Variants in LRFN5 observed in about 807,000 individuals in gnomAD.
LRFN5 encodes the protein leucine rich repeat and fibronectin type III domain containing 5.
Under a neutral mutation model 45.6 loss-of-function variants are expected in LRFN5, and 24 were observed. That is an observed-to-expected ratio of 0.53 (90% CI 0.38 to 0.74). LRFN5 has a LOEUF of 0.74. Ranked by LOEUF, LRFN5 falls within the 30% of genes least tolerant of loss-of-function variation. LRFN5 has a pLI of 0.00. For synonymous variants in LRFN5, 340 were observed against 313.8 expected, an observed-to-expected ratio of 1.08 and a Z score of -0.88; for missense variants, 776 against 861.5, an observed-to-expected ratio of 0.90 and a Z score of 1.24.
intron 1 of LRFN5, among the ~76,000 whole-genome samples, chr14:41,754,419 A>G (rs1885282852): frequency 6.6e-6 from 1 of 152,070 alleles, no homozygotes; most frequent in Admixed American, 6.6e-5. Flanking sequence ...TTCGTAAGCT[A>G]TTAATTATTG....
intron 2 of LRFN5, among the ~76,000 whole-genome samples, chr14:41,876,997 G>A (rs912383): frequency 0.14 from 20,509 of 151,916 alleles, 1,469 homozygotes; most frequent in East Asian, 0.21. Context: ...TACAATGTGA[G>A]AATTAAAAAT....
At chr14:41,618,235 C>T (rs1887989243) in intron 1 of LRFN5, among the ~76,000 whole-genome samples, 2 of 152,114 alleles carry the variant, frequency 1.3e-5, no homozygotes, top group Non-Finnish European at 2.9e-5. Flanking sequence ...ACGTTGTTAC[C>T]TCTTGAATTC....
chr14:41,838,785 T>TG (rs1888754574), intron 2 of LRFN5, among the ~76,000 whole-genome samples: 1 of 152,172 alleles, frequency 6.6e-6, no homozygotes, highest in Non-Finnish European at 1.5e-5. Flanking sequence ...CTTAGACTGA[T>TG]GTGGGAATGT....
At position 41,608,508 on chromosome 14, in the gene LRFN5, TG is replaced by T. The variant is rs1887595656; in HGVS notation, c.-250del. On this transcript the variant is annotated 5_prime_UTR_variant, in exon 1 of 6. It removes the in-frame stop codon of an upstream open reading frame in the 5' UTR. Coordinates refer to ENST00000298119, the MANE Select transcript of LRFN5 (RefSeq NM_152447.5). ...CCACCTGGAGCCACCTTGCCGGGATTGTACCTGCAGGCAGAAAGTCTTCCTA... is the reference window on the plus strand; with the variant it reads ...CCACCTGGAGCCACCTTGCCGGGATTTACCTGCAGGCAGAAAGTCTTCCTA... 2 of 152,704 alleles carry T rather than the reference TG, an allele frequency of 1.3e-5. No individual in the cohort carries two copies. Among genetic ancestry groups the T allele is most frequent in the African/African-American group, 4.8e-5 (2 of 41,456 alleles). The allele number at this position is 152,704 out of a possible 1,614,324, so 9.5% of individuals were successfully genotyped here.
At chr14:41,659,493 A>T (rs943503183) in intron 1 of LRFN5, among the ~76,000 whole-genome samples, 1 of 152,118 alleles carries the variant, frequency 6.6e-6, no homozygotes, top group Admixed American at 6.6e-5. Flanking sequence ...GCTATTGTGA[A>T]TAGTGCCACA....
intron 1 of LRFN5, among the ~76,000 whole-genome samples, chr14:41,691,685 T>C (rs1028347364): frequency 5.3e-5 from 8 of 152,106 alleles, no homozygotes; most frequent in African/African-American, 1.9e-4. Context: ...TTGTGTACTT[T>C]ATTTAACCAC....
intron 1 of LRFN5, among the ~76,000 whole-genome samples, chr14:41,621,164 A>G (rs1333762211): frequency 6.6e-6 from 1 of 152,120 alleles, no homozygotes; most frequent in Non-Finnish European, 1.5e-5. Context: ...TGAAATATGA[A>G]AGAGCCTTTG....
At chr14:41,883,801 T>C (rs1427368581) in intron 2 of LRFN5, among the ~76,000 whole-genome samples, 1 of 152,218 alleles carries the variant, frequency 6.6e-6, no homozygotes, top group Non-Finnish European at 1.5e-5. Flanking sequence ...TTTCATTGTG[T>C]TGAGCTTGGA....
chr14:41,667,984 G>T (rs1880985992), intron 1 of LRFN5, among the ~76,000 whole-genome samples: 1 of 152,100 alleles, frequency 6.6e-6, no homozygotes, highest in Non-Finnish European at 1.5e-5. Context: ...TTTTGTTATT[G>T]CACAGCTGGG....
chr14:41,694,314 T>G (rs997670348), intron 1 of LRFN5, among the ~76,000 whole-genome samples: 1 of 151,982 alleles, frequency 6.6e-6, no homozygotes, highest in Non-Finnish European at 1.5e-5. Context: ...TTCGTATCTT[T>G]TGACCAATAA....
At chr14:41,685,232 A>T (rs1450222214) in intron 1 of LRFN5, among the ~76,000 whole-genome samples, 2 of 152,194 alleles carry the variant, frequency 1.3e-5, no homozygotes, top group Non-Finnish European at 2.9e-5. Context: ...GGAGAACAGT[A>T]TGGAGGTTCC....
At position 41,904,333 on chromosome 14, in the gene LRFN5, G is replaced by A. The variant is rs373916061; in HGVS notation, c.*158G>A. 4.2e-5 allele frequency: 36 copies of A among 866,316 alleles called. No homozygotes were observed. The highest frequency in any genetic ancestry group is 6.0e-5 in the Non-Finnish European group (33 of 548,958). 53.7% of individuals were successfully genotyped at this position (866,316 alleles called of 1,614,324 possible). ...CAAGGTGAAAGTCTCTGATGACGGC[G>A]GAACTGGCTCCATTAGACCATGGTT... On this transcript the variant is annotated 3_prime_UTR_variant, in exon 6 of 6. Coordinates refer to ENST00000298119, the MANE Select transcript of LRFN5 (RefSeq NM_152447.5).
At chr14:41,747,433 G>T (rs1884966357) in intron 1 of LRFN5, among the ~76,000 whole-genome samples, 1 of 151,898 alleles carries the variant, frequency 6.6e-6, no homozygotes, top group South Asian at 2.1e-4. Flanking sequence ...ATTCAGGTGG[G>T]GAAAGGACAG....
At chr14:41,790,310 A>T (rs1886873339) in intron 2 of LRFN5, among the ~76,000 whole-genome samples, 1 of 151,692 alleles carries the variant, frequency 6.6e-6, no homozygotes, top group Non-Finnish European at 1.5e-5. Context: ...TGGAATTCCT[A>T]TTTGAGTCTT....
chr14:41,739,872 A>G lies in LRFN5; in HGVS notation c.-196-26982A>G, dbSNP rs76251451. On this transcript the variant is annotated intron_variant, in intron 1 of 5. Transcript: ENST00000298119. ...AAATAAAATCCAAATGGAAGGAATC[A>G]TAACTGATACCACAGAAATGCAAGG... Among the ~76,000 whole-genome samples, 1,454 of 152,192 alleles carry G rather than the reference A, an allele frequency of 9.6e-3. 7 individuals are homozygous for G. The highest frequency in any genetic ancestry group is 0.014 in the East Asian group (73 of 5,176).
rs200717561 is a variant in LRFN5 at position 41,856,681 on chromosome 14, T to A, written c.-20-29925T>A. On this transcript the variant is annotated intron_variant, in intron 2 of 5. Coordinates refer to ENST00000298119, the MANE Select transcript of LRFN5 (RefSeq NM_152447.5). ...CCTAATTATTATTATTATTATTTTTTTTTTTTTTTTTTTGAGACGGAGTCT... is the reference window on the plus strand; with the variant it reads ...CCTAATTATTATTATTATTATTTTTATTTTTTTTTTTTTGAGACGGAGTCT... 1.5e-3 allele frequency among the ~76,000 whole-genome samples: 39 copies of A among 26,258 alleles called. 3 individuals carry two copies. Among genetic ancestry groups the A allele is most frequent in the African/African-American group, 5.0e-3 (38 of 7,570 alleles). 17.2% of individuals were successfully genotyped at this position (26,258 alleles called of 152,430 possible).
chr14:41,650,262 C>CAA (rs1462944383), intron 1 of LRFN5, among the ~76,000 whole-genome samples: 3 of 135,466 alleles, frequency 2.2e-5, no homozygotes, highest in African/African-American at 5.9e-5. Context: ...CACACACACA[C>CAA]ACACAAAAAA....
rs1566486522 is a variant in LRFN5 at position 41,856,679 on chromosome 14, T to TTTTTTA, written c.-20-29922_-20-29921insATTTTT. On this transcript the variant is annotated intron_variant, in intron 2 of 5. Transcript: ENST00000298119. ...TTCCTAATTATTATTATTATTATTT[T>TTTTTTA]TTTTTTTTTTTTTTTGAGACGGAGT... Among the ~76,000 whole-genome samples, 18 of 60,098 alleles carry TTTTTTA rather than the reference T, an allele frequency of 3.0e-4. 2 individuals are homozygous for TTTTTTA. The highest frequency in any genetic ancestry group is 9.7e-4 in the African/African-American group (17 of 17,556). 39.4% of individuals were successfully genotyped at this position (60,098 alleles called of 152,430 possible). A position where few individuals can be genotyped will look rare whatever the true frequency, so the allele number is the denominator to read the frequency against.
At chr14:41,689,767 C>T (rs1445166417) in intron 1 of LRFN5, among the ~76,000 whole-genome samples, 5 of 150,318 alleles carry the variant, frequency 3.3e-5, no homozygotes, top group Non-Finnish European at 4.4e-5. Flanking sequence ...TGATGGCGGG[C>T]GCCTGTAGTC....
Sources: gnomAD v4.1 joint callset for allele counts (sites outside exome capture counted in the v4.1 genomes callset) on GRCh38, gnomAD v4.1.1 for gene constraint, MANE v1.5 for transcripts, NCBI Gene and HGNC (gene_info 2026-07-23, HGNC 2026-07-21) for gene names.